Variants in CSTF3 observed in about 807,000 individuals in gnomAD.
CSTF3 encodes the protein CF-1 77 kDa subunit.
A neutral mutation model predicts 105.8 loss-of-function variants in CSTF3; 29 were observed. The ratio of observed to expected loss-of-function variants is 0.27; its 90% confidence interval spans 0.20 to 0.37. CSTF3 has a LOEUF of 0.37. Among genes scored for constraint, CSTF3 ranks in the 10% least tolerant of loss-of-function variants. The pLI is 1.00. For synonymous variants in CSTF3, 252 were observed against 281.9 expected (o/e 0.89, Z 1.06); for missense variants, 357 against 879.3 (o/e 0.41, Z 7.51).
chr11:33,120,368 T>C (rs1855474231), intron 3 of CSTF3, among the ~76,000 whole-genome samples: 2 of 151,884 alleles, frequency 1.3e-5, no homozygotes, highest in South Asian at 4.1e-4. Flanking sequence ...AATATGGTTT[T>C]TTTCTCCATT....
At chr11:33,153,651 A>G (rs749546352) in intron 1 of CSTF3, among the ~76,000 whole-genome samples, 1 of 151,432 alleles carries the variant, frequency 6.6e-6, no homozygotes, top group African/African-American at 2.4e-5. Flanking sequence ...AAAAAATAGT[A>G]ATAATAACAA....
chr11:33,086,505 T>C (rs1023692808), intron 18 of CSTF3, among the ~76,000 whole-genome samples: 14 of 152,088 alleles, frequency 9.2e-5, no homozygotes, highest in Admixed American at 6.6e-4. Flanking sequence ...TGGCACCATC[T>C]TGGCTCACTG....
intron 1 of CSTF3, among the ~76,000 whole-genome samples, chr11:33,153,914 G>GA (rs948687453): frequency 1.6e-4 from 24 of 152,124 alleles, no homozygotes; most frequent in African/African-American, 4.8e-4. Flanking sequence ...ATGACCAACA[G>GA]AAAAAGCAGA....
At chr11:33,085,320 C>T (rs897324082) in intron 20 of CSTF3, 31 bp from the exon 21 acceptor site, 2 of 1,500,094 alleles carry the variant, frequency 1.3e-6, no homozygotes, top group South Asian at 2.7e-5. Flanking sequence ...AACGTAAAAA[C>T]ATATTCCACT....
intron 5 of CSTF3, among the ~76,000 whole-genome samples, chr11:33,107,261 G>A (rs1855336443): frequency 6.6e-6 from 1 of 152,252 alleles, no homozygotes; most frequent in South Asian, 2.1e-4. Flanking sequence ...AGGCTACAGT[G>A]AACCCGTGAT....
In CSTF3 at chr11:33,108,385, C is replaced by T; in HGVS notation, c.258+1G>A. The T allele has an allele frequency of 6.7e-7, 1 of 1,489,176 alleles. No individual in the cohort carries two copies. The highest frequency in any genetic ancestry group is 1.3e-5 in the South Asian group (1 of 75,958). The allele number at this position is 1,489,176 out of a possible 1,614,324, so 92.2% of individuals were successfully genotyped here. A position where few individuals can be genotyped will look rare whatever the true frequency, so the allele number is the denominator to read the frequency against. On this transcript the variant is annotated splice_donor_variant, in intron 4 of 20. Coordinates refer to ENST00000323959, the MANE Select transcript of CSTF3 (RefSeq NM_001326.3). LOFTEE classifies it high-confidence loss of function. ...AAAATTCAAAGTATTTGAGGACTCA[C>T]CTTTTCAACCTTGTCATAATTTTTA... is the stretch of plus-strand genomic sequence containing the variant.
At chr11:33,105,492 TAATCTACA>T in intron 8 of CSTF3, 67 bp downstream of exon 8, 7 of 1,361,848 alleles carry the variant, frequency 5.1e-6, no homozygotes, top group Non-Finnish European at 7.0e-6. Context: ...AGAAAGGCTA[TAATCTACA>T]AATCCACAAT....
At chr11:33,156,839 C>T (rs1346376620) in intron 1 of CSTF3, 1 of 356,808 alleles carries the variant, frequency 2.8e-6, no homozygotes, top group South Asian at 2.2e-5. Flanking sequence ...TTAAAAGATG[C>T]AAACTTAATC....
intron 1 of CSTF3, among the ~76,000 whole-genome samples, chr11:33,149,531 A>G (rs1855830505): frequency 1.3e-5 from 2 of 152,342 alleles, no homozygotes; most frequent in South Asian, 4.1e-4. Context: ...TGTAGTACCC[A>G]AAAGAGAGAC....
chr11:33,134,921 C>T (rs1164079621), intron 3 of CSTF3, among the ~76,000 whole-genome samples: 1 of 152,012 alleles, frequency 6.6e-6, no homozygotes, highest in East Asian at 1.9e-4. Flanking sequence ...ACTCAAGTTG[C>T]ACTGAAATAA....
Position 33,099,243 on chromosome 11 carries a change from A to G in CSTF3, c.937-93T>C. ...AAGTTACATCTACTTTATTTTATTT[A>G]TGTGTCTAAGAAAGCATACATGTAT... On this transcript the variant is annotated intron_variant, in intron 11 of 20. Transcript: ENST00000323959. The surrounding 1 kb of genome is among the most constrained non-coding windows in gnomAD (Gnocchi z 4.1). 6.9e-7 allele frequency: 1 copy of G among 1,445,180 alleles called. No individual in the cohort carries two copies. Among genetic ancestry groups the G allele is most frequent in the South Asian group, 1.3e-5 (1 of 75,338 alleles). The allele number at this position is 1,445,180 out of a possible 1,614,324, so 89.5% of individuals were successfully genotyped here.
At chr11:33,086,246 G>A (rs1006829917) in intron 18 of CSTF3, among the ~76,000 whole-genome samples, 1 of 152,324 alleles carries the variant, frequency 6.6e-6, no homozygotes. Context: ...TTGTCAAAGA[G>A]TGTTTCTGAG....
chr11:33,114,034 A>T (rs1482476009), intron 3 of CSTF3, among the ~76,000 whole-genome samples: 5 of 152,238 alleles, frequency 3.3e-5, no homozygotes, highest in Non-Finnish European at 5.9e-5. Flanking sequence ...CCCAAGCATT[A>T]ATTGGTCATC....
At chr11:33,154,830 T>C (rs1849839380) in intron 1 of CSTF3, among the ~76,000 whole-genome samples, 1 of 152,040 alleles carries the variant, frequency 6.6e-6, no homozygotes, top group Admixed American at 6.6e-5. Flanking sequence ...CCTAACTGAT[T>C]CCATTCATAT....
chr11:33,139,058 G>A (rs1207352842), intron 3 of CSTF3, among the ~76,000 whole-genome samples: 3 of 151,786 alleles, frequency 2.0e-5, no homozygotes, highest in African/African-American at 7.2e-5. Context: ...CTGATGCACT[G>A]GCTCATATAG....
intron 1 of CSTF3, among the ~76,000 whole-genome samples, chr11:33,145,547 T>C (rs1277084944): frequency 6.6e-6 from 1 of 152,214 alleles, no homozygotes; most frequent in African/African-American, 2.4e-5. Flanking sequence ...CGGTGGCTCA[T>C]GCCTGTAATA....
chr11:33,120,642 A>G (rs1855476794), intron 3 of CSTF3, among the ~76,000 whole-genome samples: 1 of 151,946 alleles, frequency 6.6e-6, no homozygotes, highest in African/African-American at 2.4e-5. Context: ...GCGAGTCAAC[A>G]TAATTTAAAA....
rs117591582 is a variant in CSTF3, at chr11:33,142,577, C to T, written c.28-591G>A. Among the ~76,000 whole-genome samples, 611 of 152,190 alleles carry T rather than the reference C, an allele frequency of 4.0e-3. 4 individuals are homozygous for T. Among genetic ancestry groups the T allele is most frequent in the Non-Finnish European group, 7.3e-3 (499 of 67,998 alleles). ...TACTTTTGTATTAAATACTATAAAACAGCAGCTCTCAAACTTTATGGTCTC... is the reference window on the plus strand; with the variant it reads ...TACTTTTGTATTAAATACTATAAAATAGCAGCTCTCAAACTTTATGGTCTC... On this transcript the variant is annotated intron_variant, in intron 1 of 20. Coordinates refer to ENST00000323959, the MANE Select transcript of CSTF3 (RefSeq NM_001326.3).
intron 1 of CSTF3, 136 bp from the exon 2 acceptor site, chr11:33,142,122 TG>T: frequency 7.0e-7 from 1 of 1,435,994 alleles, no homozygotes; most frequent in Non-Finnish European, 9.3e-7. Context: ...AAAAGAGAAG[TG>T]TGTTTCCTAG....
Sources: gnomAD v4.1 joint callset for allele counts (sites outside exome capture counted in the v4.1 genomes callset) on GRCh38, gnomAD v4.1.1 for gene constraint, Gnocchi (gnomAD v3.1) non-coding constraint, MANE v1.5 for transcripts, NCBI Gene and HGNC (gene_info 2026-07-23, HGNC 2026-07-21) for gene names.